IL1RAP: variants seen among roughly 807,000 people sequenced by gnomAD.
The protein encoded by IL1RAP is interleukin 1 receptor accessory protein.
A neutral mutation model predicts 60.7 loss-of-function variants in IL1RAP; 35 were observed. The ratio of observed to expected loss-of-function variants is 0.58; its 90% CI spans 0.44 to 0.76. The LOEUF (loss-of-function observed/expected upper bound fraction) is 0.76, where lower values mean the gene tolerates loss of function less well. Among genes scored for constraint, IL1RAP ranks in the 30% least tolerant of loss-of-function variants. The pLI, the probability that IL1RAP is intolerant of heterozygous loss-of-function variation, is 0.00. For synonymous variants in IL1RAP, 268 were observed against 250.9 expected (o/e 1.07, Z -0.64); for missense variants, 572 against 693.9 (o/e 0.82, Z 1.97).
At chr3:190,626,272 G>A (rs1732254689) in intron 7 of IL1RAP, among the ~76,000 whole-genome samples, 1 of 151,962 alleles carries the variant, frequency 6.6e-6, no homozygotes, top group Non-Finnish European at 1.5e-5. Flanking sequence ...AATACCTTAT[G>A]GTGCTTTTGT....
At chr3:190,645,088 C>G (rs1343414480) in intron 10 of IL1RAP, among the ~76,000 whole-genome samples, 1 of 152,180 alleles carries the variant, frequency 6.6e-6, no homozygotes, top group Non-Finnish European at 1.5e-5. Flanking sequence ...AAGCACAGCT[C>G]TAGTGCAAAT....
At chr3:190,553,196 G>A (rs1389757581) in intron 1 of IL1RAP, among the ~76,000 whole-genome samples, 2 of 152,126 alleles carry the variant, frequency 1.3e-5, no homozygotes, top group African/African-American at 4.8e-5. Context: ...ATGGAGGCCC[G>A]CAAGGAAGTA....
chr3:190,573,300 A>G (rs1328681425), intron 3 of IL1RAP, among the ~76,000 whole-genome samples: 2 of 151,088 alleles, frequency 1.3e-5, no homozygotes, highest in African/African-American at 4.9e-5. Context: ...GCAAGTTTAT[A>G]CGTTCTAAGG....
At chr3:190,561,833 A>T (rs1725911777) in intron 2 of IL1RAP, among the ~76,000 whole-genome samples, 1 of 152,224 alleles carries the variant, frequency 6.6e-6, no homozygotes, top group South Asian at 2.1e-4. Context: ...AGCTAGGAAG[A>T]TAGCAATTAT....
intron 3 of IL1RAP, among the ~76,000 whole-genome samples, chr3:190,603,550 A>G (rs1730036694): frequency 6.6e-6 from 1 of 152,242 alleles, no homozygotes; most frequent in South Asian, 2.1e-4. Flanking sequence ...AAGAATGTAA[A>G]TGTAAAATAG....
At chr3:190,639,137 A>G (rs1733458576) in intron 9 of IL1RAP, among the ~76,000 whole-genome samples, 2 of 151,864 alleles carry the variant, frequency 1.3e-5, no homozygotes, top group Non-Finnish European at 2.9e-5. Flanking sequence ...AGTTTATTAA[A>G]CTTCTCAGTT....
At chr3:190,542,466 A>G (rs574913013) in intron 1 of IL1RAP, among the ~76,000 whole-genome samples, 1 of 152,328 alleles carries the variant, frequency 6.6e-6, no homozygotes, top group Admixed American at 6.5e-5. Flanking sequence ...CATGAAAAGA[A>G]GCACTGTGTA....
chr3:190,603,175 G>A (rs543144142), intron 3 of IL1RAP, among the ~76,000 whole-genome samples: 18 of 152,280 alleles, frequency 1.2e-4, no homozygotes, highest in South Asian at 4.1e-4. Flanking sequence ...AAATTGCAGA[G>A]GATGTGGATA....
chr3:190,653,977 C>T (rs1734514044), downstream of IL1RAP, among the ~76,000 whole-genome samples: 1 of 152,064 alleles, frequency 6.6e-6, no homozygotes, highest in Non-Finnish European at 1.5e-5. Flanking sequence ...TAAAATTCCG[C>T]CACTCTTACC....
At chr3:190,641,807 T>C (rs1378175653) in intron 9 of IL1RAP, among the ~76,000 whole-genome samples, 1 of 152,192 alleles carries the variant, frequency 6.6e-6, no homozygotes, top group East Asian at 1.9e-4. Context: ...AATTACCCTG[T>C]TGTACTGTTA....
intron 4 of IL1RAP, among the ~76,000 whole-genome samples, chr3:190,608,464 T>C (rs1730541386): frequency 6.6e-6 from 1 of 152,144 alleles, no homozygotes; most frequent in Non-Finnish European, 1.5e-5. Context: ...GACTGGAAGT[T>C]GTTCTGGGAG....
At chr3:190,532,550 T>C (rs112495906) in intron 1 of IL1RAP, among the ~76,000 whole-genome samples, 16 of 152,128 alleles carry the variant, frequency 1.1e-4, no homozygotes, top group Non-Finnish European at 2.1e-4. Flanking sequence ...TCTTGTCTAA[T>C]TCCATGTGAG....
At chr3:190,658,304 G>T (rs1322154028) in exon 12 of IL1RAP, 1 of 152,130 alleles carries the variant, frequency 6.6e-6, no homozygotes, top group Non-Finnish European at 1.5e-5. Context: ...AAAGTATTCA[G>T]CCAAAGAACA....
At position 190,609,328 on chromosome 3, in the gene IL1RAP, G is replaced by A. The variant is rs542395399; in HGVS notation, c.537+147G>A. Reference sequence around the variant, plus strand: ...TAGCTTTATGGAAGTATTTCAGCACGTCCTCATTTTGTACCATTTTAAAGG... The same window carrying A: ...TAGCTTTATGGAAGTATTTCAGCACATCCTCATTTTGTACCATTTTAAAGG... On this transcript the variant is annotated intron_variant, in intron 5 of 11. Transcript: ENST00000447382. 199 of 550,784 alleles carry A rather than the reference G, an allele frequency of 3.6e-4. 1 individual carries two copies. The highest frequency in any genetic ancestry group is 1.1e-3 in the South Asian group (34 of 31,156). The allele number at this position is 550,784 out of a possible 1,614,324, so 34.1% of individuals were successfully genotyped here.
intron 1 of IL1RAP, among the ~76,000 whole-genome samples, chr3:190,539,582 C>G (rs1417437541): frequency 6.6e-6 from 1 of 151,974 alleles, no homozygotes; most frequent in Non-Finnish European, 1.5e-5. Context: ...TATTCCAATA[C>G]TTAAAACATC....
intron 3 of IL1RAP, among the ~76,000 whole-genome samples, chr3:190,572,106 A>G (rs1726979632): frequency 6.6e-6 from 1 of 152,120 alleles, no homozygotes; most frequent in African/African-American, 2.4e-5. Context: ...ACCAGATGCA[A>G]AAACCTACTA....
chr3:190,646,058 C>T (rs897127478), intron 11 of IL1RAP, among the ~76,000 whole-genome samples: 3 of 152,158 alleles, frequency 2.0e-5, no homozygotes, highest in African/African-American at 7.2e-5. Flanking sequence ...TGCAATCTTT[C>T]AGAGATGCAT....
chr3:190,522,294 C>CTTCCTTCCTTCT (rs1722098211), intron 1 of IL1RAP, among the ~76,000 whole-genome samples: 1 of 50,938 alleles, frequency 2.0e-5, no homozygotes, highest in African/African-American at 2.1e-4. Flanking sequence ...CCTTTGCTTC[C>CTTCCTTCCTTCT]TTCCTTCCTT....
exon 12 of IL1RAP, chr3:190,658,176 A>G (rs951720192): frequency 1.3e-5 from 2 of 152,054 alleles, no homozygotes; most frequent in Non-Finnish European, 2.9e-5. Context: ...TCAGATTTTT[A>G]TGTATAATGT....
Sources: allele counts gnomAD v4.1 joint callset (sites outside exome capture counted in the v4.1 genomes callset), GRCh38; gene constraint gnomAD v4.1.1; transcripts MANE v1.5; gene names NCBI Gene and HGNC (gene_info 2026-07-23, HGNC 2026-07-21).